Variants in GCNT1 observed in about 807,000 individuals in gnomAD.
GCNT1 encodes the protein glucosaminyl (N-acetyl) transferase 1.
A neutral mutation model predicts 26.2 loss-of-function variants in GCNT1; 16 were observed. The ratio of observed to expected loss-of-function variants is 0.61; its 90% CI spans 0.41 to 0.93. GCNT1 has a LOEUF of 0.93. Among genes scored for constraint, GCNT1 ranks in the 40% least tolerant of loss-of-function variants. GCNT1 has a pLI of 0.00. For missense variants in GCNT1, 477 were observed against 526.7 expected (o/e 0.91, Z 0.92); for synonymous variants, 183 against 190.8 (o/e 0.96, Z 0.34).
In GCNT1 at chr9:76,505,889, C is replaced by T. The variant is rs78575568; in HGVS notation, c.*2221C>T. On this transcript the variant is annotated 3_prime_UTR_variant, in exon 4 of 4. Transcript: ENST00000376730. ...GGATTTTAGAGTCTATTTCCCCAAG[C>T]GCCACATTATAACTGTAAACTTACC... 6.9e-3 allele frequency: 1,147 copies of T among 166,022 alleles called. 15 individuals are homozygous for T. Among genetic ancestry groups the T allele is most frequent in the African/African-American group, 0.019 (790 of 41,546 alleles). 10.3% of individuals were successfully genotyped at this position (166,022 alleles called of 1,614,324 possible).
chr9:76,488,909 G>A (rs895466371), intron 2 of GCNT1, among the ~76,000 whole-genome samples: 24 of 152,202 alleles, frequency 1.6e-4, no homozygotes, highest in African/African-American at 5.8e-4. Context: ...TTGCTATGAG[G>A]CAAACCACTT....
chr9:76,469,513 T>G (rs1028047908), intron 2 of GCNT1, among the ~76,000 whole-genome samples: 1 of 152,184 alleles, frequency 6.6e-6, no homozygotes, highest in African/African-American at 2.4e-5. Flanking sequence ...CCCCTCCCTT[T>G]GTATGGGAGC....
chr9:76,427,468 T>C lies in GCNT1; in HGVS notation n.38+7581T>C, dbSNP rs144359372. Among the ~76,000 whole-genome samples, 398 of 152,180 alleles carry C rather than the reference T, an allele frequency of 2.6e-3. 1 individual carries two copies. The highest frequency in any genetic ancestry group is 9.2e-3 in the African/African-American group (384 of 41,552). On this transcript the variant is annotated intron_variant and non_coding_transcript_variant, in intron 1 of 3. Coordinates refer to the GCNT1 transcript ENST00000488136. ...GTGCTGGTATTACAGGCGTGAGCCA[T>C]CATGCTTGGCCAGGGGTAATATACT...
At chr9:76,445,237 T>C (rs970317815) in intron 1 of GCNT1, among the ~76,000 whole-genome samples, 3 of 152,156 alleles carry the variant, frequency 2.0e-5, no homozygotes, top group African/African-American at 7.2e-5. Flanking sequence ...ATGTTATACC[T>C]GGAATGAGGA....
At chr9:76,402,897 C>G in the GCNT1 span, among the ~76,000 whole-genome samples, 9 of 152,138 alleles carry the variant, frequency 5.9e-5, no homozygotes, top group African/African-American at 1.9e-4. Flanking sequence ...CCAGGTTGGT[C>G]TCAAACTCCT....
At chr9:76,488,792 C>T (rs72747366) in intron 2 of GCNT1, among the ~76,000 whole-genome samples, 12,556 of 152,226 alleles carry the variant, frequency 0.082, 575 homozygotes, top group Middle Eastern at 0.17. Flanking sequence ...CCTAAGCCAG[C>T]GCACCTGGCC....
intron 2 of GCNT1, among the ~76,000 whole-genome samples, chr9:76,492,834 G>A (rs1824785120): frequency 1.3e-5 from 2 of 151,880 alleles, no homozygotes; most frequent in Non-Finnish European, 2.9e-5. Flanking sequence ...CTAAGGCTGT[G>A]GCCTTTCTCT....
At chr9:76,438,002 T>G (rs1417376189), upstream of GCNT1, among the ~76,000 whole-genome samples, 1 of 152,264 alleles carries the variant, frequency 6.6e-6, no homozygotes, top group African/African-American at 2.4e-5. Flanking sequence ...GTGTTTGGAC[T>G]AATGGATTTT....
At chr9:76,475,387 G>A (rs1195464972) in intron 2 of GCNT1, among the ~76,000 whole-genome samples, 3 of 152,104 alleles carry the variant, frequency 2.0e-5, no homozygotes, top group Non-Finnish European at 2.9e-5. Context: ...ATTCATATTC[G>A]CAGGAAGATT....
exon 1 of GCNT1, chr9:76,441,794 C>A (rs1823487676): frequency 6.6e-6 from 1 of 152,216 alleles, no homozygotes; most frequent in South Asian, 2.1e-4. Flanking sequence ...CAGAAAAGGT[C>A]AGAGACTCTT....
At position 76,489,200 on chromosome 9, in the gene GCNT1, C is replaced by A. The variant is rs186085195; in HGVS notation, c.-289-11716C>A. On this transcript the variant is annotated intron_variant, in intron 2 of 3. Coordinates refer to ENST00000376730, the MANE Select transcript of GCNT1 (RefSeq NM_001490.5). ...GAGCACATTTTTCAAGACAACTGGG[C>A]GGAAGCTGCATGGTTTTACATGACC... is the stretch of plus-strand genomic sequence containing the variant. Among the ~76,000 whole-genome samples, 4 of 152,124 alleles carry A rather than the reference C, an allele frequency of 2.6e-5. No homozygotes were observed. The South Asian group carries it at 8.3e-4, about 32-fold the overall frequency.
chr9:76,402,409 G>A, the GCNT1 span, among the ~76,000 whole-genome samples: 2 of 152,146 alleles, frequency 1.3e-5, no homozygotes, highest in South Asian at 2.1e-4. Context: ...TAAATGAAAT[G>A]TGCTTTGAAT....
chr9:76,461,233 C>G (rs1283112438), intron 2 of GCNT1, among the ~76,000 whole-genome samples: 1 of 134,018 alleles, frequency 7.5e-6, no homozygotes, highest in Non-Finnish European at 1.6e-5. Flanking sequence ...TAGCTGAGAA[C>G]TTTTACTTAA....
At chr9:76,449,996 C>T (rs1372775222) in intron 1 of GCNT1, among the ~76,000 whole-genome samples, 2 of 152,188 alleles carry the variant, frequency 1.3e-5, no homozygotes, top group Non-Finnish European at 2.9e-5. Context: ...TGGTCTCAAA[C>T]TCCTGACCTC....
Position 76,463,535 on chromosome 9 carries a change from T to C in GCNT1, c.-290+3358T>C, listed in dbSNP as rs1485940480. ...ATGTATTTGGTCATCAATGCAATAATGTTACTAAGAAATCCTCCCATGATT... is the reference window on the plus strand; with the variant it reads ...ATGTATTTGGTCATCAATGCAATAACGTTACTAAGAAATCCTCCCATGATT... On this transcript the variant is annotated intron_variant, in intron 2 of 3. Transcript: ENST00000376730. Among the ~76,000 whole-genome samples the C allele has an allele frequency of 2.0e-5, 3 of 152,224 alleles. No homozygotes were observed. In the East Asian group the frequency reaches 5.8e-4, roughly 29 times the overall value.
At chr9:76,452,609 C>T (rs1408003487) in intron 1 of GCNT1, among the ~76,000 whole-genome samples, 2 of 151,976 alleles carry the variant, frequency 1.3e-5, no homozygotes, top group Admixed American at 1.3e-4. Flanking sequence ...GGAGGAGAGG[C>T]AGGGAGGAGG....
Position 76,503,649 on chromosome 9 carries a change from T to G in GCNT1, c.1268T>G (p.Leu423Trp), listed in dbSNP as rs754698237. ...CLDEHLRHKA[L>W]ETLKH ...GATGAGCATTTGAGACACAAAGCTT[T>G]GGAGACATTAAAACACTGACCATTA... Residue 423 changes from leucine to tryptophan, a missense_variant, in exon 4 of 4, where the codon TTG becomes TGG. By Grantham distance (61) the Leu-to-Trp change is moderately conservative (BLOSUM62 -2). Coordinates refer to ENST00000376730, the MANE Select transcript of GCNT1 (RefSeq NM_001490.5). The G allele has an allele frequency of 1.2e-6, 2 of 1,613,556 alleles. No homozygotes were observed. The highest frequency in any genetic ancestry group is 4.5e-5 in the East Asian group (2 of 44,894).
intron 2 of GCNT1, among the ~76,000 whole-genome samples, chr9:76,486,896 T>C (rs1166402589): frequency 1.3e-5 from 2 of 151,426 alleles, no homozygotes; most frequent in East Asian, 3.9e-4. Context: ...GCCACAATGG[T>C]GAGACCCTCA....
intron 1 of GCNT1, among the ~76,000 whole-genome samples, chr9:76,433,618 C>T (rs936338614): frequency 6.6e-6 from 1 of 152,290 alleles, no homozygotes; most frequent in Non-Finnish European, 1.5e-5. Flanking sequence ...GCTGCAGTCG[C>T]GGTGGCCACA....
Sources: gnomAD v4.1 joint callset for allele counts (sites outside exome capture counted in the v4.1 genomes callset) on GRCh38, gnomAD v4.1.1 for gene constraint, MANE v1.5 for transcripts, NCBI Gene and HGNC (gene_info 2026-07-23, HGNC 2026-07-21) for gene names.